The following SEMA3A variants were observed in gnomAD, a reference collection of about 807,000 sequenced individuals.
The protein encoded by SEMA3A is semaphorin 3A.
In SEMA3A, 29 loss-of-function variants were observed where a neutral mutation model predicts 97.9. That is an observed-to-expected ratio of 0.30 (90% CI 0.22 to 0.40). The LOEUF (loss-of-function observed/expected upper bound fraction) is 0.40, where lower values mean the gene tolerates loss of function less well. SEMA3A is among the 10% of genes least tolerant of loss of function. The pLI is 1.00. For missense variants in SEMA3A, 763 were observed against 951.3 expected (o/e 0.80, Z 2.60); for synonymous variants, 321 against 323.7 (o/e 0.99, Z 0.09).
intron 2 of SEMA3A, among the ~76,000 whole-genome samples, chr7:84,319,235 T>C (rs555852179): frequency 1.3e-4 from 20 of 152,258 alleles, no homozygotes; most frequent in Non-Finnish European, 2.1e-4. Flanking sequence ...GGAGGTTCTG[T>C]GGCCTTTGCA....
rs1445085419 is a variant in SEMA3A at position 83,959,198 on chromosome 7, A to G, written c.*2173T>C. 1 of 152,090 alleles carries G rather than the reference A, an allele frequency of 6.6e-6. No homozygotes were observed. Among genetic ancestry groups the G allele is most frequent in the African/African-American group, 2.4e-5 (1 of 41,462 alleles). The allele number at this position is 152,090 out of a possible 1,614,324, so 9.4% of individuals were successfully genotyped here. Reference sequence around the variant, plus strand: ...TGAAAGTCTTCTATAAATTTATCATATAATCTCTATCCCTTCAAATCCTTT... The same window carrying G: ...TGAAAGTCTTCTATAAATTTATCATGTAATCTCTATCCCTTCAAATCCTTT... On this transcript the variant is annotated 3_prime_UTR_variant, in exon 17 of 17. Transcript: ENST00000265362.
intron 15 of SEMA3A, among the ~76,000 whole-genome samples, chr7:83,964,549 G>A (rs996748019): frequency 6.6e-6 from 1 of 152,110 alleles, no homozygotes; most frequent in Non-Finnish European, 1.5e-5. Context: ...TACAAGGCCT[G>A]TGTCTATCAT....
intron 2 of SEMA3A, among the ~76,000 whole-genome samples, chr7:84,370,808 A>T (rs1420311662): frequency 6.6e-6 from 1 of 151,670 alleles, no homozygotes; most frequent in Non-Finnish European, 1.5e-5. Context: ...AATGGTAATT[A>T]CATAAACCAC....
intron 4 of SEMA3A, among the ~76,000 whole-genome samples, chr7:84,108,986 A>G (rs554740921): frequency 4.6e-5 from 7 of 152,232 alleles, no homozygotes; most frequent in African/African-American, 1.7e-4. Context: ...ACGCATGTAA[A>G]AAGTGCAATA....
chr7:84,323,872 T>A (rs973066638), intron 2 of SEMA3A, among the ~76,000 whole-genome samples: 19 of 152,188 alleles, frequency 1.2e-4, no homozygotes, highest in African/African-American at 4.3e-4. Context: ...CTGTAGTACA[T>A]CTGCACAATA....
chr7:84,377,906 G>A (rs1803148478), intron 1 of SEMA3A, among the ~76,000 whole-genome samples: 1 of 152,122 alleles, frequency 6.6e-6, no homozygotes, highest in Admixed American at 6.6e-5. Flanking sequence ...GAATCATTCA[G>A]TTACTGCTGA....
intron 6 of SEMA3A, among the ~76,000 whole-genome samples, chr7:84,038,190 C>T (rs778675134): frequency 2.6e-5 from 4 of 151,882 alleles, no homozygotes; most frequent in Non-Finnish European, 5.9e-5. Flanking sequence ...GCAAGAATTC[C>T]TGTATGTATA....
At chr7:84,241,233 G>A (rs1799355671) in intron 3 of SEMA3A, among the ~76,000 whole-genome samples, 1 of 152,158 alleles carries the variant, frequency 6.6e-6, no homozygotes, top group Admixed American at 6.6e-5. Flanking sequence ...CAGTGTAAAA[G>A]CATTCCTATT....
At chr7:84,129,408 G>T (rs1795895465) in intron 2 of SEMA3A, among the ~76,000 whole-genome samples, 1 of 152,160 alleles carries the variant, frequency 6.6e-6, no homozygotes, top group Admixed American at 6.6e-5. Flanking sequence ...ATATATAAAA[G>T]TTGAGCAAGA....
chr7:84,352,985 G>A (rs1436489334), intron 2 of SEMA3A, among the ~76,000 whole-genome samples: 4 of 151,766 alleles, frequency 2.6e-5, no homozygotes, highest in African/African-American at 9.7e-5. Flanking sequence ...GTATCCATGA[G>A]GGATTGGTTC....
At chr7:84,424,109 C>A (rs978072517) in intron 1 of SEMA3A, among the ~76,000 whole-genome samples, 7 of 151,200 alleles carry the variant, frequency 4.6e-5, no homozygotes, top group Admixed American at 2.0e-4. Flanking sequence ...TAAAAGTAGA[C>A]CTACCATTGA....
intron 4 of SEMA3A, among the ~76,000 whole-genome samples, chr7:84,090,601 C>T (rs138436384): frequency 7.4e-4 from 113 of 152,062 alleles, no homozygotes; most frequent in Middle Eastern, 6.9e-3. Context: ...AAAAGGGGAA[C>T]CAAATGTATG....
intron 2 of SEMA3A, among the ~76,000 whole-genome samples, chr7:84,365,720 CTGA>C (rs1453813701): frequency 6.6e-6 from 1 of 151,240 alleles, no homozygotes; most frequent in South Asian, 2.1e-4. Flanking sequence ...CAAAATCACT[CTGA>C]TGTTAGTCTT....
intron 12 of SEMA3A, among the ~76,000 whole-genome samples, chr7:83,999,782 T>A: frequency 6.6e-6 from 1 of 152,212 alleles, no homozygotes; most frequent in Non-Finnish European, 1.5e-5. Context: ...ATTCTTAAGA[T>A]AACAATATTT....
intron 2 of SEMA3A, among the ~76,000 whole-genome samples, chr7:84,308,605 C>T (rs182643856): frequency 1.3e-5 from 2 of 152,186 alleles, no homozygotes; most frequent in East Asian, 3.9e-4. Context: ...AAAATCTTAA[C>T]AGAAGTCGGG....
chr7:84,153,748 A>G (rs1027834066), intron 1 of SEMA3A, among the ~76,000 whole-genome samples: 3 of 152,118 alleles, frequency 2.0e-5, no homozygotes, highest in African/African-American at 7.2e-5. Context: ...TCTTGCTTCT[A>G]TTACACTTCT....
intron 1 of SEMA3A, among the ~76,000 whole-genome samples, chr7:84,467,440 T>C (rs1806030201): frequency 6.6e-6 from 1 of 150,680 alleles, no homozygotes; most frequent in South Asian, 2.1e-4. Context: ...GAGAATTGCT[T>C]GAACCTGGGA....
rs1491068819 is a variant in SEMA3A, at chr7:84,091,121, A to AG, written c.453+19348_453+19349insC. On this transcript the variant is annotated intron_variant, in intron 4 of 16. Transcript: ENST00000265362. ...GAAAGAGAAAGAAAGAAAGAAAGAA[A>AG]AAGAAAGAAAGAAAGAAGGAAGGAA... 4.1e-5 allele frequency among the ~76,000 whole-genome samples: 2 copies of AG among 48,374 alleles called. 1 individual carries two copies. Among genetic ancestry groups the AG allele is most frequent in the Non-Finnish European group, 9.8e-5 (2 of 20,380 alleles). The allele number at this position is 48,374 out of a possible 152,430, so 31.7% of individuals were successfully genotyped here.
At chr7:83,992,266 C>T (rs939853387) in intron 12 of SEMA3A, among the ~76,000 whole-genome samples, 2 of 149,726 alleles carry the variant, frequency 1.3e-5, no homozygotes, top group African/African-American at 5.0e-5. Flanking sequence ...TTTCAAAAAA[C>T]CAGCTCCTGG....
Sources: allele counts gnomAD v4.1 joint callset (sites outside exome capture counted in the v4.1 genomes callset), GRCh38; gene constraint gnomAD v4.1.1; transcripts MANE v1.5; gene names NCBI Gene and HGNC (gene_info 2026-07-23, HGNC 2026-07-21).